Variants in STX8 observed in about 807,000 individuals in gnomAD.
STX8 encodes syntaxin-8.
STX8 carries 23 observed loss-of-function variants against 37.5 expected under a neutral mutation model. The ratio of observed to expected loss-of-function variants is 0.61; its 90% CI spans 0.44 to 0.87. The LOEUF (loss-of-function observed/expected upper bound fraction) is 0.87. Among genes scored for constraint, STX8 ranks in the 40% least tolerant of loss-of-function variants. The probability of loss-of-function intolerance (pLI) is 0.00; values close to 1 mark genes in which losing one functional copy is unlikely to be tolerated. For missense variants in STX8, 313 were observed against 284.7 expected (o/e 1.10, Z -0.71); for synonymous variants, 115 against 99.1 (o/e 1.16, Z -0.95).
chr17:9,301,509 G>C (rs1908781447), intron 7 of STX8, among the ~76,000 whole-genome samples: 1 of 151,360 alleles, frequency 6.6e-6, no homozygotes, highest in African/African-American at 2.4e-5. Flanking sequence ...TTGAGATGGA[G>C]TCTCACTCTG....
chr17:9,531,466 C>A (rs1370341825), intron 4 of STX8, among the ~76,000 whole-genome samples: 1 of 152,194 alleles, frequency 6.6e-6, no homozygotes, highest in Non-Finnish European at 1.5e-5. Flanking sequence ...CCCACCCCGA[C>A]TTACTCAAAG....
intron 7 of STX8, among the ~76,000 whole-genome samples, chr17:9,268,293 A>C (rs1260608699): frequency 6.6e-6 from 1 of 152,072 alleles, no homozygotes; most frequent in Non-Finnish European, 1.5e-5. Flanking sequence ...ACAAAAAAAA[A>C]AAAAAAGAGA....
At chr17:9,530,292 C>CA (rs1905763639) in intron 4 of STX8, among the ~76,000 whole-genome samples, 1 of 124,304 alleles carries the variant, frequency 8.0e-6, no homozygotes, top group Admixed American at 9.4e-5. Flanking sequence ...GCCTGGGAGA[C>CA]AGAGTGAGAC....
chr17:9,370,738 G>A (rs1045415654), intron 7 of STX8, among the ~76,000 whole-genome samples: 2 of 152,088 alleles, frequency 1.3e-5, no homozygotes, highest in African/African-American at 2.4e-5. Context: ...CACAATTGGC[G>A]CCCTCTGTCA....
chr17:9,512,612 G>A (rs1454767457), intron 4 of STX8, among the ~76,000 whole-genome samples: 2 of 152,076 alleles, frequency 1.3e-5, no homozygotes, highest in Non-Finnish European at 2.9e-5. Flanking sequence ...ACAGGCACAC[G>A]CCACCACACT....
chr17:9,536,042 T>C (rs1294712972), intron 4 of STX8, among the ~76,000 whole-genome samples: 2 of 152,210 alleles, frequency 1.3e-5, no homozygotes, highest in South Asian at 4.1e-4. Flanking sequence ...TCCTATTTGC[T>C]GGTATGTGCT....
chr17:9,492,225 C>A (rs1254237330), intron 5 of STX8, among the ~76,000 whole-genome samples: 3 of 152,122 alleles, frequency 2.0e-5, no homozygotes, highest in Non-Finnish European at 4.4e-5. Flanking sequence ...AAGAAAAAGA[C>A]TGAATATCCC....
chr17:9,465,174 G>A (rs1414725496), intron 6 of STX8, among the ~76,000 whole-genome samples: 1 of 151,490 alleles, frequency 6.6e-6, no homozygotes, highest in African/African-American at 2.4e-5. Context: ...GTAATAGGCA[G>A]AGGATTATTA....
chr17:9,402,526 T>C (rs1912659424), intron 6 of STX8, among the ~76,000 whole-genome samples: 1 of 152,202 alleles, frequency 6.6e-6, no homozygotes, highest in Admixed American at 6.5e-5. Flanking sequence ...TACAAAGTAC[T>C]ACACATAATA....
intron 6 of STX8, among the ~76,000 whole-genome samples, chr17:9,465,803 A>G (rs1481371377): frequency 6.6e-6 from 1 of 152,132 alleles, no homozygotes. Flanking sequence ...GATCCCATTT[A>G]GTTTAATCCT....
chr17:9,376,107 T>C (rs1911571990), intron 7 of STX8, among the ~76,000 whole-genome samples: 1 of 152,166 alleles, frequency 6.6e-6, no homozygotes, highest in South Asian at 2.1e-4. Flanking sequence ...GGAAGTGAAC[T>C]CATATTGAGA....
At chr17:9,306,044 C>T (rs927688536) in intron 7 of STX8, among the ~76,000 whole-genome samples, 25 of 152,050 alleles carry the variant, frequency 1.6e-4, no homozygotes, top group Middle Eastern at 3.4e-3. Context: ...TGCCTGGCCA[C>T]AGGTGCACCA....
intron 4 of STX8, among the ~76,000 whole-genome samples, chr17:9,543,542 C>A (rs377299983): frequency 6.6e-6 from 1 of 152,108 alleles, no homozygotes; most frequent in Non-Finnish European, 1.5e-5. Context: ...TGAGCTCAGG[C>A]AATCCACCCA....
chr17:9,368,714 C>T (rs185653968), intron 7 of STX8, among the ~76,000 whole-genome samples: 2 of 152,174 alleles, frequency 1.3e-5, no homozygotes, highest in Admixed American at 1.3e-4. Context: ...TATATACTCC[C>T]TGCTTATTTT....
At chr17:9,347,347 A>G (rs1910567411) in intron 7 of STX8, among the ~76,000 whole-genome samples, 1 of 152,176 alleles carries the variant, frequency 6.6e-6, no homozygotes, top group African/African-American at 2.4e-5. Flanking sequence ...ACTCTTTATG[A>G]AAAGTAGTAC....
chr17:9,295,373 C>T (rs1029010234), intron 7 of STX8, among the ~76,000 whole-genome samples: 1 of 152,154 alleles, frequency 6.6e-6, no homozygotes, highest in Non-Finnish European at 1.5e-5. Context: ...TAGTCCTGGT[C>T]CCTAGCATGT....
At chr17:9,441,672 CTTTTT>C (rs1161609414) in intron 6 of STX8, among the ~76,000 whole-genome samples, 1 of 93,248 alleles carries the variant, frequency 1.1e-5, no homozygotes, top group Non-Finnish European at 2.2e-5. Context: ...AGCACCATGG[CTTTTT>C]TTTTTTTTTT....
chr17:9,435,643 G>A (rs947015808), intron 6 of STX8, among the ~76,000 whole-genome samples: 8 of 152,272 alleles, frequency 5.3e-5, no homozygotes, highest in African/African-American at 1.7e-4. Context: ...AACTTACATG[G>A]AGTAGAAGAA....
intron 6 of STX8, among the ~76,000 whole-genome samples, chr17:9,386,305 T>G (rs914118874): frequency 1.3e-5 from 2 of 152,166 alleles, no homozygotes; most frequent in African/African-American, 4.8e-5. Flanking sequence ...TCAAAAAGTT[T>G]TGTTGGCTAA....
Sources: allele counts gnomAD v4.1 joint callset (sites outside exome capture counted in the v4.1 genomes callset), GRCh38; gene constraint gnomAD v4.1.1; transcripts MANE v1.5; gene names NCBI Gene and HGNC (gene_info 2026-07-23, HGNC 2026-07-21).